RXRA: variants seen among roughly 807,000 people sequenced by gnomAD.
RXRA encodes retinoid X receptor alpha.
A neutral mutation model predicts 44.5 loss-of-function variants in RXRA; 5 were observed. That is an observed-to-expected ratio of 0.11 (90% confidence interval 0.06 to 0.24). The LOEUF is 0.24. RXRA is among the 10% of genes least tolerant of loss of function. The pLI is 1.00. For synonymous variants in RXRA, 291 were observed against 271.4 expected (o/e 1.07, Z -0.71); for missense variants, 412 against 646.5 (o/e 0.64, Z 3.93).
At chr9:134,358,690 C>A (rs2119057925) in intron 1 of RXRA, among the ~76,000 whole-genome samples, 1 of 152,136 alleles carries the variant, frequency 6.6e-6, no homozygotes, top group African/African-American at 2.4e-5. Context: ...CCCTGGTCGT[C>A]TGCAGGACTG....
intron 9 of RXRA, among the ~76,000 whole-genome samples, chr9:134,435,476 C>T (rs867175418): frequency 1.2e-4 from 18 of 152,142 alleles, no homozygotes; most frequent in South Asian, 2.1e-4. Context: ...CCTCCCTCCC[C>T]GGCCAGCCTT....
At position 134,417,195 on chromosome 9, in the gene RXRA, C is replaced by T. The variant is rs146295223; in HGVS notation, c.648C>T (p.Asn216=). The T allele has an allele frequency of 8.2e-5, 133 of 1,613,302 alleles. No individual in the cohort carries two copies. Among genetic ancestry groups the T allele is most frequent in the Non-Finnish European group, 1.1e-4 (128 of 1,179,932 alleles). ...QEERQRGKDR[N]ENEVESTSSA... is the part of the protein sequence containing the mutation. ...AGCGGCAGCGTGGCAAGGACCGGAA[C>T]GAGAATGAGGTGGAGTCGACCAGCA... Residue 216 remains asparagine, a synonymous_variant, in exon 5 of 10, where the codon AAC becomes AAT. Transcript: ENST00000481739. The surrounding 1 kb of genome is among the most constrained non-coding windows in gnomAD (Gnocchi z 6.1).
chr9:134,429,877 C>T (rs1192820457), intron 7 of RXRA, among the ~76,000 whole-genome samples: 2 of 152,124 alleles, frequency 1.3e-5, no homozygotes, highest in African/African-American at 4.8e-5. Flanking sequence ...TTCCTTGTCC[C>T]TGTCTCTGCA....
chr9:134,401,912 G>T, intron 2 of RXRA, 30 bp downstream of exon 2: 1 of 1,523,178 alleles, frequency 6.6e-7, no homozygotes, highest in Non-Finnish European at 8.9e-7. Flanking sequence ...AAGGGGAGGG[G>T]GTGGGGCCTG....
In RXRA at chr9:134,434,097, T is replaced by G. The variant is rs765336165; in HGVS notation, c.1136-5T>G. 17 of 1,612,188 alleles carry G rather than the reference T, an allele frequency of 1.1e-5. No individual in the cohort carries two copies. Among genetic ancestry groups the G allele is most frequent in the Non-Finnish European group, 1.4e-5 (16 of 1,178,868 alleles). ...GGGTTCTGACCTGTGGCTTCTTCCT[T>G]TCAGACTCCAAGGGGCTCTCGAACC... On this transcript the variant is annotated splice_polypyrimidine_tract_variant and splice_region_variant and intron_variant, in intron 8 of 9. Transcript: ENST00000481739.
At chr9:134,414,389 C>T (rs958666435) in intron 4 of RXRA, among the ~76,000 whole-genome samples, 1 of 152,252 alleles carries the variant, frequency 6.6e-6, no homozygotes, top group Admixed American at 6.5e-5. Flanking sequence ...GGGTGGGAGG[C>T]TCCGGTGACA....
intron 1 of RXRA, among the ~76,000 whole-genome samples, chr9:134,337,535 C>T (rs781989914): frequency 6.6e-6 from 1 of 152,176 alleles, no homozygotes; most frequent in African/African-American, 2.4e-5. Context: ...ATCCCTGACC[C>T]CAGTCTGGGG....
intron 1 of RXRA, chr9:134,374,257 G>C (rs1232580892): frequency 6.6e-6 from 1 of 152,326 alleles, no homozygotes; most frequent in Admixed American, 6.5e-5. Context: ...GCAGGCGGCG[G>C]CCGCTGTGCC....
intron 1 of RXRA, among the ~76,000 whole-genome samples, chr9:134,350,737 C>T (rs1246185051): frequency 2.6e-5 from 4 of 152,206 alleles, no homozygotes; most frequent in Admixed American, 6.5e-5. Context: ...TGCCTTCTGC[C>T]GAGGTGGGTG....
intron 7 of RXRA, among the ~76,000 whole-genome samples, chr9:134,429,882 T>G (rs917447421): frequency 1.3e-5 from 2 of 151,352 alleles, no homozygotes; most frequent in African/African-American, 2.4e-5. Flanking sequence ...TGTCCCTGTC[T>G]CTGCACAGCC....
chr9:134,424,030 C>T (rs1831392301), intron 6 of RXRA: 2 of 985,428 alleles, frequency 2.0e-6, no homozygotes, highest in South Asian at 9.4e-5. Flanking sequence ...GTGCCTGGCC[C>T]TGTGGTCCCA....
intron 1 of RXRA, among the ~76,000 whole-genome samples, chr9:134,371,710 G>A (rs886607274): frequency 5.9e-5 from 9 of 152,144 alleles, no homozygotes; most frequent in Non-Finnish European, 8.8e-5. Flanking sequence ...GGTGGCGTGC[G>A]CCCCCTTGAA....
At chr9:134,422,443 GACACTCCCTACTCCCGGGAC>G in intron 6 of RXRA, 3 of 1,257,820 alleles carry the variant, frequency 2.4e-6, no homozygotes, top group East Asian at 5.9e-5. Flanking sequence ...CCTCTCCCTA[GACACTCCCTACTCCCGGGAC>G]ACACTCCCTG....
At chr9:134,424,331 C>G in intron 6 of RXRA, 4 of 985,404 alleles carry the variant, frequency 4.1e-6, no homozygotes, top group Non-Finnish European at 4.8e-6. Context: ...GTGGCCTCTG[C>G]TCCTGCCCAG....
chr9:134,419,077 G>A (rs1183289014), intron 5 of RXRA, among the ~76,000 whole-genome samples: 3 of 152,144 alleles, frequency 2.0e-5, no homozygotes, highest in Admixed American at 6.5e-5. Context: ...ATGGGACCCC[G>A]ACAGCAGGCA....
At position 134,426,732 on chromosome 9, in the gene RXRA, A is replaced by G. The variant is rs1012313754; in HGVS notation, c.911-2376A>G. 29 of 985,286 alleles carry G rather than the reference A, an allele frequency of 2.9e-5. No individual in the cohort carries two copies. The highest frequency in any genetic ancestry group is 3.4e-5 in the Non-Finnish European group (28 of 829,886). The allele number at this position is 985,286 out of a possible 1,614,324, so 61.0% of individuals were successfully genotyped here. A position where few individuals can be genotyped will look rare whatever the true frequency, so the allele number is the denominator to read the frequency against. ...AGGGGAGGTGGCCACTGCTCAGGTA[A>G]ACCCCCAGGCCTGCAGGATGTGAGG... is the stretch of plus-strand genomic sequence containing the variant. On this transcript the variant is annotated intron_variant, in intron 6 of 9. Transcript: ENST00000481739. This position sits in a 1 kb window ranked among gnomAD's most constrained non-coding sequence, Gnocchi z 4.6.
chr9:134,411,010 C>T lies in RXRA; in HGVS notation c.610+1891C>T, dbSNP rs186915893. ...CCAGAGGAGGCACCTGACCCTGCCT[C>T]GGGCACCCGGTGAGACGCAGGCAGG... On this transcript the variant is annotated intron_variant, in intron 4 of 9. Transcript: ENST00000481739. 8.5e-5 allele frequency among the ~76,000 whole-genome samples: 13 copies of T among 152,312 alleles called. No individual in the cohort carries two copies. In the East Asian group the frequency reaches 1.3e-3, roughly 16 times the overall value.
In RXRA at chr9:134,349,864, G is replaced by T. The variant is rs1554749262; in HGVS notation, c.28+23205G>T. 6.6e-6 allele frequency among the ~76,000 whole-genome samples: 1 copy of T among 152,108 alleles called. No homozygotes were observed. Among genetic ancestry groups the T allele is most frequent in the African/African-American group, 2.4e-5 (1 of 41,416 alleles). ...GCAGGCTCTCCTGTGGTAGGAGTCG[G>T]GTGGACAGTTTGCACGATCTCATCC... On this transcript the variant is annotated intron_variant, in intron 1 of 9. Coordinates refer to ENST00000481739, the MANE Select transcript of RXRA (RefSeq NM_002957.6). The surrounding 1 kb of genome is among the most constrained non-coding windows in gnomAD (Gnocchi z 4.3).
chr9:134,422,261 C>G (rs143126852), intron 6 of RXRA: 1 of 1,288,730 alleles, frequency 7.8e-7, no homozygotes, highest in East Asian at 5.6e-5. Flanking sequence ...TCTCCCAGGA[C>G]GCTCCCCGCT....
Sources: allele counts gnomAD v4.1 joint callset (sites outside exome capture counted in the v4.1 genomes callset), GRCh38; gene constraint gnomAD v4.1.1; non-coding constraint Gnocchi (gnomAD v3.1); transcripts MANE v1.5; gene names NCBI Gene and HGNC (gene_info 2026-07-23, HGNC 2026-07-21).